Variants in TCF12 observed in about 807,000 individuals in gnomAD.
The protein encoded by TCF12 is transcription factor 12.
A neutral mutation model predicts 86.0 loss-of-function variants in TCF12; 45 were observed. That is an observed-to-expected ratio of 0.52 (90% CI 0.41 to 0.67). The LOEUF (loss-of-function observed/expected upper bound fraction) is 0.67, where lower values mean the gene tolerates loss of function less well. Among genes scored for constraint, TCF12 ranks in the 30% least tolerant of loss-of-function variants. TCF12 has a pLI of 0.00. For synonymous variants in TCF12, 330 were observed against 299.6 expected (o/e 1.10, Z -1.05); for missense variants, 881 against 859.9 (o/e 1.02, Z -0.31).
intron 4 of TCF12, among the ~76,000 whole-genome samples, chr15:57,082,970 A>G (rs552888909): frequency 7.2e-5 from 11 of 152,192 alleles, no homozygotes; most frequent in African/African-American, 2.4e-5. Context: ...AGAGTATTCT[A>G]TAGGAGTGAC....
intron 3 of TCF12, among the ~76,000 whole-genome samples, chr15:57,013,105 G>A (rs1454429654): frequency 1.3e-5 from 2 of 151,844 alleles, no homozygotes; most frequent in African/African-American, 2.4e-5. Flanking sequence ...TCTTCTCTAG[G>A]TTTCTTGAGA....
At chr15:57,253,184 C>T in intron 15 of TCF12, 78 bp from the exon 16 acceptor site, 1 of 1,488,992 alleles carries the variant, frequency 6.7e-7, no homozygotes, top group Non-Finnish European at 9.3e-7. Context: ...CCACATATCA[C>T]ATAGTAGGAA....
chr15:57,138,462 G>C (rs2052715223), intron 5 of TCF12, among the ~76,000 whole-genome samples: 2 of 152,176 alleles, frequency 1.3e-5, no homozygotes, highest in South Asian at 2.1e-4. Flanking sequence ...TGGGGAGTCT[G>C]CTGCCTCCAG....
chr15:57,039,061 A>G (rs1476142454), intron 3 of TCF12, among the ~76,000 whole-genome samples: 2 of 152,162 alleles, frequency 1.3e-5, no homozygotes, highest in African/African-American at 2.4e-5. Flanking sequence ...CCTTAACTGT[A>G]TAGGCCAGAC....
chr15:56,963,532 C>G (rs1269426627), intron 3 of TCF12, among the ~76,000 whole-genome samples: 1 of 152,034 alleles, frequency 6.6e-6, no homozygotes, highest in African/African-American at 2.4e-5. Flanking sequence ...TGGTTTTTAT[C>G]TTTGCTTTAT....
intron 8 of TCF12, among the ~76,000 whole-genome samples, chr15:57,211,638 C>G (rs2058103375): frequency 6.6e-6 from 1 of 152,092 alleles, no homozygotes; most frequent in South Asian, 2.1e-4. Context: ...TTAATTATGC[C>G]TCTTGCAGGT....
chr15:57,018,945 A>G (rs1486650253), intron 3 of TCF12, among the ~76,000 whole-genome samples: 1 of 152,196 alleles, frequency 6.6e-6, no homozygotes, highest in African/African-American at 2.4e-5. Context: ...AAAATCTAGA[A>G]TGGGGTGAAA....
chr15:57,117,050 CAG>C (rs1289278354), intron 5 of TCF12, among the ~76,000 whole-genome samples: 1 of 151,532 alleles, frequency 6.6e-6, no homozygotes, highest in South Asian at 2.1e-4. Context: ...TGAGGAAAAA[CAG>C]AGCTAAAGTA....
intron 5 of TCF12, 106 bp from the exon 6 acceptor site, chr15:57,166,296 C>T: frequency 4.5e-6 from 4 of 884,588 alleles, no homozygotes; most frequent in East Asian, 2.8e-5. Context: ...CTAATTTGTT[C>T]TTTCTATTTT....
chr15:56,920,071 A>T, intron 2 of TCF12, 83 bp downstream of exon 2: 14 of 1,509,292 alleles, frequency 9.3e-6, no homozygotes, highest in East Asian at 2.3e-5. Context: ...ATAAAGGGTG[A>T]GGGGAAGCAA....
chr15:56,927,050 G>A (rs1230757353), intron 3 of TCF12, among the ~76,000 whole-genome samples: 1 of 152,044 alleles, frequency 6.6e-6, no homozygotes, highest in Non-Finnish European at 1.5e-5. Context: ...AATAACAGAA[G>A]TAAAGGATTG....
At chr15:57,002,460 A>T (rs2064106068) in intron 3 of TCF12, among the ~76,000 whole-genome samples, 1 of 152,224 alleles carries the variant, frequency 6.6e-6, no homozygotes, top group African/African-American at 2.4e-5. Context: ...CACCTAACAC[A>T]TATATCTTCA....
intron 3 of TCF12, among the ~76,000 whole-genome samples, chr15:56,997,987 A>C (rs1365234382): frequency 6.6e-6 from 1 of 152,258 alleles, no homozygotes; most frequent in South Asian, 2.1e-4. Context: ...TTGATAAAAG[A>C]ATTGATTTGC....
chr15:57,116,393 T>C (rs1264351717), intron 5 of TCF12, among the ~76,000 whole-genome samples: 3 of 152,208 alleles, frequency 2.0e-5, no homozygotes, highest in Admixed American at 6.5e-5. Context: ...CTGGCTCTGC[T>C]GAAGAGCAGT....
chr15:57,290,412 A>T (rs2062059531), downstream of TCF12, among the ~76,000 whole-genome samples: 1 of 151,856 alleles, frequency 6.6e-6, no homozygotes, highest in African/African-American at 2.4e-5. Flanking sequence ...GGACAGCTGT[A>T]TCAGTTTGGG....
intron 5 of TCF12, among the ~76,000 whole-genome samples, chr15:57,127,119 A>G (rs2051717053): frequency 6.6e-6 from 1 of 151,560 alleles, no homozygotes. Context: ...AGTAGCTGGG[A>G]TTACACGCAC....
At chr15:56,967,730 G>C (rs72749449) in intron 3 of TCF12, among the ~76,000 whole-genome samples, 4,583 of 152,318 alleles carry the variant, frequency 0.03, 113 homozygotes, top group South Asian at 0.064. Flanking sequence ...GGGTTGTACA[G>C]CTCAACTGCA....
rs2061945508 is a variant in TCF12 at position 57,286,690 on chromosome 15, G to C, written c.*545G>C. 4.4e-6 allele frequency: 2 copies of C among 456,104 alleles called. No individual in the cohort carries two copies. The highest frequency in any genetic ancestry group is 3.1e-5 in the South Asian group (2 of 64,420). The allele number at this position is 456,104 out of a possible 1,614,324, so 28.3% of individuals were successfully genotyped here. On this transcript the variant is annotated 3_prime_UTR_variant, in exon 21 of 21. Transcript: ENST00000333725. Reference sequence around the variant, plus strand: ...ACCTATTAGTGTCTTAAAAAGGAAGGGAAAAGTCTTTTGTTGCCCTCTCCT... The same window carrying C: ...ACCTATTAGTGTCTTAAAAAGGAAGCGAAAAGTCTTTTGTTGCCCTCTCCT...
intron 3 of TCF12, among the ~76,000 whole-genome samples, chr15:56,926,141 G>A (rs1191601959): frequency 6.6e-6 from 1 of 152,038 alleles, no homozygotes; most frequent in Non-Finnish European, 1.5e-5. Context: ...GCAAAACCCT[G>A]TCTCTACCAA....
Sources: gnomAD v4.1 joint callset for allele counts (sites outside exome capture counted in the v4.1 genomes callset) on GRCh38, gnomAD v4.1.1 for gene constraint, MANE v1.5 for transcripts, NCBI Gene and HGNC (gene_info 2026-07-23, HGNC 2026-07-21) for gene names.